The following OPHN1 variants were observed in gnomAD, a reference collection of about 807,000 sequenced individuals.
OPHN1 encodes oligophrenin-1.
Under a neutral mutation model 60.7 loss-of-function variants are expected in OPHN1, and 11 were observed. The observed-to-expected ratio is 0.18, with a 90% CI of 0.11 to 0.30. OPHN1 has a LOEUF of 0.30. Ranked by LOEUF, OPHN1 falls within the 10% of genes least tolerant of loss-of-function variation. The probability of loss-of-function intolerance (pLI) is 1.00; values close to 1 mark genes in which losing one functional copy is unlikely to be tolerated. For missense variants in OPHN1, 449 were observed against 611.0 expected, an observed-to-expected ratio of 0.73 and a Z score of 2.80; for synonymous variants, 226 against 222.6, an observed-to-expected ratio of 1.02 and a Z score of -0.14.
intron 2 of OPHN1, among the ~76,000 whole-genome samples, chrX:68,426,550 T>G (rs1816360744): frequency 2.7e-4 from 3 of 11,273 alleles, no homozygotes; most frequent in Non-Finnish European, 1.0e-3. Context: ...CTGACATCTG[T>G]TTTATATATA....
intron 2 of OPHN1, among the ~76,000 whole-genome samples, chrX:68,327,807 A>AAT (rs2078272419): frequency 1.0e-5 from 1 of 96,254 alleles, no homozygotes; most frequent in Admixed American, 1.0e-4. Flanking sequence ...TAAAAAAAAA[A>AAT]AAAAAAAAAA....
chrX:68,089,946 G>A (rs1231785182), intron 19 of OPHN1, among the ~76,000 whole-genome samples: 1 of 111,399 alleles, frequency 9.0e-6, no homozygotes, highest in African/African-American at 3.3e-5. Flanking sequence ...ATAATTCTCT[G>A]CTCAAAGATA....
intron 2 of OPHN1, among the ~76,000 whole-genome samples, chrX:68,333,989 C>G (rs1481438706): frequency 5.6e-5 from 6 of 108,108 alleles, no homozygotes; most frequent in Non-Finnish European, 9.6e-5. Context: ...CCTCTGCCTC[C>G]CGGGATCAAG....
chrX:68,304,710 G>C (rs12395296), intron 2 of OPHN1, among the ~76,000 whole-genome samples: 11,441 of 110,769 alleles, frequency 0.1, 1,374 homozygotes, highest in African/African-American at 0.35. Context: ...ATTAAGGTAT[G>C]CTAATCAAAG....
At chrX:68,054,036 G>A (rs2076863139) in intron 21 of OPHN1, among the ~76,000 whole-genome samples, 1 of 107,013 alleles carries the variant, frequency 9.3e-6, no homozygotes, top group Non-Finnish European at 1.9e-5. Flanking sequence ...AGATATCTTG[G>A]GTGTGTCATA....
chrX:68,138,361 T>C lies in OPHN1; in HGVS notation c.1277-19029A>G, dbSNP rs188654757. Among the ~76,000 whole-genome samples, 3 of 112,336 alleles carry C rather than the reference T, an allele frequency of 2.7e-5. No individual in the cohort carries two copies. In the Admixed American group the frequency reaches 2.8e-4, roughly 11 times the overall value. On this transcript the variant is annotated intron_variant, in intron 15 of 24. Transcript: ENST00000355520. ...GGGGTACAGAAACAAAAAGGCAATG[T>C]GATATATGAGTTTGCGAATAAGAAA...
chrX:68,418,906 C>G (rs2078812021), intron 2 of OPHN1, among the ~76,000 whole-genome samples: 1 of 111,576 alleles, frequency 9.0e-6, no homozygotes, highest in Non-Finnish European at 1.9e-5. Flanking sequence ...TGTGTGGTAT[C>G]ACTACAAACA....
chrX:68,156,304 T>TA (rs375927931), intron 15 of OPHN1, among the ~76,000 whole-genome samples: 19,949 of 65,558 alleles, frequency 0.3, 2,184 homozygotes, highest in Middle Eastern at 0.4. Flanking sequence ...AAGGAAGAGG[T>TA]AAAAAAAAAA....
chrX:68,422,249 T>C (rs1388042015), intron 2 of OPHN1, among the ~76,000 whole-genome samples: 1 of 110,830 alleles, frequency 9.0e-6, no homozygotes, highest in Non-Finnish European at 1.9e-5. Flanking sequence ...AGCTACCTGC[T>C]TGCAGAAAGA....
chrX:68,273,462 A>G (rs1217176053), intron 5 of OPHN1, among the ~76,000 whole-genome samples: 2 of 112,033 alleles, frequency 1.8e-5, no homozygotes, highest in Non-Finnish European at 3.8e-5. Flanking sequence ...TTGGAGAATC[A>G]CAGAGATCCA....
chrX:68,186,750 G>C (rs1349113102), intron 15 of OPHN1, among the ~76,000 whole-genome samples: 1 of 111,519 alleles, frequency 9.0e-6, no homozygotes, highest in Non-Finnish European at 1.9e-5. Flanking sequence ...GTTCTGATGA[G>C]GGACCTTTTC....
intron 2 of OPHN1, among the ~76,000 whole-genome samples, chrX:68,367,487 G>A (rs1236329624): frequency 9.0e-6 from 1 of 111,178 alleles, no homozygotes; most frequent in Non-Finnish European, 1.9e-5. Flanking sequence ...TGGTAGGAAA[G>A]TTTTGTGGCA....
chrX:68,119,372 C>CA, intron 15 of OPHN1, 40 bp from the exon 16 acceptor site: 5 of 995,043 alleles, frequency 5.0e-6, no homozygotes, highest in Non-Finnish European at 7.1e-6. Context: ...AGTTAATCAT[C>CA]AAAAAAATCT....
intron 15 of OPHN1, among the ~76,000 whole-genome samples, chrX:68,155,892 C>A (rs1222130627): frequency 9.0e-6 from 1 of 111,447 alleles, no homozygotes; most frequent in African/African-American, 3.3e-5. Flanking sequence ...ATGGCAAGTA[C>A]CAAATCTATT....
chrX:68,187,838 A>G (rs2077470435), intron 15 of OPHN1, among the ~76,000 whole-genome samples: 1 of 111,833 alleles, frequency 8.9e-6, no homozygotes, highest in Admixed American at 9.5e-5. Flanking sequence ...CATGTTAGCC[A>G]GGATGGTCTC....
intron 12 of OPHN1, among the ~76,000 whole-genome samples, chrX:68,195,018 GGA>G (rs1425932802): frequency 5.2e-4 from 40 of 77,607 alleles, no homozygotes; most frequent in African/African-American, 2.3e-3. Flanking sequence ...AAGGAAGGAA[GGA>G]AGGAAGGAAG....
chrX:68,206,461 G>T, intron 10 of OPHN1, 112 bp downstream of exon 10: 1 of 590,665 alleles, frequency 1.7e-6, no homozygotes. Context: ...TAAAGTCATG[G>T]CCTCACGTAA....
intron 2 of OPHN1, among the ~76,000 whole-genome samples, chrX:68,351,168 C>A (rs2147704100): frequency 9.0e-6 from 1 of 111,269 alleles, no homozygotes; most frequent in South Asian, 3.8e-4. Context: ...GCCTCGTGAT[C>A]CACCCACCTC....
chrX:68,426,381 C>T (rs1302078972), intron 2 of OPHN1, among the ~76,000 whole-genome samples: 5 of 106,008 alleles, frequency 4.7e-5, no homozygotes, highest in East Asian at 3.1e-4. Context: ...GTGGAGGTTG[C>T]GGTGAGCCGA....
Sources: gnomAD v4.1 joint callset for allele counts (sites outside exome capture counted in the v4.1 genomes callset) on GRCh38, gnomAD v4.1.1 for gene constraint, MANE v1.5 for transcripts, NCBI Gene and HGNC (gene_info 2026-07-23, HGNC 2026-07-21) for gene names.